The following GMDS variants were observed in gnomAD, a reference collection of about 807,000 sequenced individuals.
GMDS encodes GDP-mannose 4,6-dehydratase.
Under a neutral mutation model 49.9 loss-of-function variants are expected in GMDS, and 20 were observed. The observed-to-expected ratio is 0.40, with a 90% CI of 0.28 to 0.58. The LOEUF is 0.58. Among genes scored for constraint, GMDS ranks in the 20% least tolerant of loss-of-function variants. The pLI is 0.42. For synonymous variants in GMDS, 177 were observed against 178.6 expected (o/e 0.99, Z 0.07); for missense variants, 362 against 481.4 (o/e 0.75, Z 2.32).
At chr6:2,186,928 A>G (rs560718410) in intron 1 of GMDS, among the ~76,000 whole-genome samples, 3 of 152,340 alleles carry the variant, frequency 2.0e-5, no homozygotes, top group Admixed American at 6.5e-5. Context: ...CTTTCGATAA[A>G]AAGTCTACTA....
rs375619639 is a variant in GMDS at position 2,219,735 on chromosome 6, T to C, written c.102+25586A>G. Among the ~76,000 whole-genome samples, 27 of 151,738 alleles carry C rather than the reference T, an allele frequency of 1.8e-4. No homozygotes were observed. The East Asian group carries it at 2.9e-3, about 16-fold the overall frequency. On this transcript the variant is annotated intron_variant, in intron 1 of 10. Coordinates refer to ENST00000380815, the MANE Select transcript of GMDS (RefSeq NM_001500.4). ...GGGCACCAACTTAAACCAGAAACTT[T>C]AAAAAAAAATTCCCTCTGATTTCAG... is the stretch of plus-strand genomic sequence containing the variant.
intron 7 of GMDS, among the ~76,000 whole-genome samples, chr6:1,853,217 T>G (rs1003949270): frequency 6.6e-6 from 1 of 151,880 alleles, no homozygotes; most frequent in Non-Finnish European, 1.5e-5. Context: ...GAAAAGGCTG[T>G]CTGAAGATTA....
chr6:1,812,234 A>G (rs1222040437), intron 7 of GMDS, among the ~76,000 whole-genome samples: 1 of 152,206 alleles, frequency 6.6e-6, no homozygotes, highest in Non-Finnish European at 1.5e-5. Context: ...TAGTCCAGGC[A>G]GAGTAAACAG....
rs997499372 is a variant in GMDS at position 1,833,122 on chromosome 6, A to C, written c.772-90536T>G. Among the ~76,000 whole-genome samples, 1 of 142,390 alleles carries C rather than the reference A, an allele frequency of 7.0e-6. No individual in the cohort carries two copies. Among genetic ancestry groups the C allele is most frequent in the South Asian group, 2.4e-4 (1 of 4,232 alleles). The allele number at this position is 142,390 out of a possible 152,430, so 93.4% of individuals were successfully genotyped here. ...GCTCACCCGGCAGTGGAGCGTATGA[A>C]AGCCTTTTTTTTTTTTTTTTTTTTT... On this transcript the variant is annotated intron_variant, in intron 7 of 10. Transcript: ENST00000380815. The surrounding 1 kb of genome is among the most constrained non-coding windows in gnomAD (Gnocchi z 4.4).
chr6:1,767,040 A>G (rs1348568077), intron 7 of GMDS, among the ~76,000 whole-genome samples: 1 of 152,252 alleles, frequency 6.6e-6, no homozygotes, highest in Non-Finnish European at 1.5e-5. Context: ...AGAAAATGAA[A>G]TGAACAAACT....
intron 7 of GMDS, among the ~76,000 whole-genome samples, chr6:1,879,504 A>G (rs920335572): frequency 6.6e-6 from 1 of 152,216 alleles, no homozygotes; most frequent in Non-Finnish European, 1.5e-5. Flanking sequence ...AAGCCAATAT[A>G]GGCATTTTTA....
intron 7 of GMDS, among the ~76,000 whole-genome samples, chr6:1,863,501 T>C (rs1004907371): frequency 1.3e-5 from 2 of 152,152 alleles, no homozygotes; most frequent in East Asian, 3.8e-4. Flanking sequence ...CGTGCATGTG[T>C]GTGTGTGTTC....
chr6:1,681,787 C>CT (rs767942068), intron 9 of GMDS, among the ~76,000 whole-genome samples: 23 of 152,238 alleles, frequency 1.5e-4, no homozygotes, highest in Non-Finnish European at 2.6e-4. Context: ...TTTGACCTCC[C>CT]TGCACGCTGG....
At position 1,836,381 on chromosome 6, in the gene GMDS, G is replaced by A. The variant is rs1424641218; in HGVS notation, c.771+93722C>T. Among the ~76,000 whole-genome samples, 2 of 152,148 alleles carry A rather than the reference G, an allele frequency of 1.3e-5. No individual in the cohort carries two copies. Among genetic ancestry groups the A allele is most frequent in the Non-Finnish European group, 2.9e-5 (2 of 68,032 alleles). On this transcript the variant is annotated intron_variant, in intron 7 of 10. Coordinates refer to ENST00000380815, the MANE Select transcript of GMDS (RefSeq NM_001500.4). This position sits in a 1 kb window ranked among gnomAD's most constrained non-coding sequence, Gnocchi z 4.2. ...ATGTTACCACGTCACCATCAACTAA[G>A]CAACTGCTACGCTATTTCACTAAAC... is the stretch of plus-strand genomic sequence containing the variant.
At chr6:1,968,603 C>T (rs919563252) in intron 4 of GMDS, among the ~76,000 whole-genome samples, 2 of 152,068 alleles carry the variant, frequency 1.3e-5, no homozygotes, top group Non-Finnish European at 2.9e-5. Context: ...AAATGGTAGT[C>T]TGGGAGGGGT....
At chr6:1,653,187 A>T (rs988670719) in intron 9 of GMDS, among the ~76,000 whole-genome samples, 10 of 152,100 alleles carry the variant, frequency 6.6e-5, no homozygotes, top group Non-Finnish European at 1.2e-4. Flanking sequence ...TATTGTTTAA[A>T]CTGGACTGTA....
intron 4 of GMDS, among the ~76,000 whole-genome samples, chr6:2,004,063 T>C (rs1053698065): frequency 2.0e-5 from 3 of 150,954 alleles, no homozygotes; most frequent in African/African-American, 7.4e-5. Context: ...CTTCTTCTCT[T>C]TGAAATATAC....
chr6:2,198,400 G>C (rs1483793934), intron 1 of GMDS, among the ~76,000 whole-genome samples: 1 of 152,326 alleles, frequency 6.6e-6, no homozygotes, highest in East Asian at 1.9e-4. Context: ...GAAAGGGTTT[G>C]AGGAACATCC....
chr6:1,916,594 C>G (rs1349971292), intron 7 of GMDS, among the ~76,000 whole-genome samples: 1 of 152,112 alleles, frequency 6.6e-6, no homozygotes, highest in Admixed American at 6.6e-5. Context: ...AATCGTGGCA[C>G]AGTGACTTAG....
intron 6 of GMDS, among the ~76,000 whole-genome samples, chr6:1,939,059 T>C (rs923143424): frequency 6.6e-6 from 1 of 151,230 alleles, no homozygotes; most frequent in Non-Finnish European, 1.5e-5. Context: ...TCTTTGGTTC[T>C]TTTTCAAACC....
At chr6:2,220,885 G>C (rs531771642) in intron 1 of GMDS, among the ~76,000 whole-genome samples, 1 of 152,258 alleles carries the variant, frequency 6.6e-6, no homozygotes, top group Admixed American at 6.5e-5. Flanking sequence ...TTCTAAGAAG[G>C]GATGTACAAG....
At chr6:2,139,269 G>C (rs921535856) in intron 1 of GMDS, among the ~76,000 whole-genome samples, 1 of 152,152 alleles carries the variant, frequency 6.6e-6, no homozygotes, top group African/African-American at 2.4e-5. Flanking sequence ...ACTATAAGCT[G>C]CACTGTCTGC....
At chr6:1,892,773 G>C (rs545238150) in intron 7 of GMDS, among the ~76,000 whole-genome samples, 1 of 152,290 alleles carries the variant, frequency 6.6e-6, no homozygotes, top group African/African-American at 2.4e-5. Flanking sequence ...AAAAAAGAAG[G>C]TGTTACCACT....
At chr6:1,699,476 G>A (rs527511667) in intron 9 of GMDS, among the ~76,000 whole-genome samples, 4 of 152,126 alleles carry the variant, frequency 2.6e-5, no homozygotes, top group East Asian at 3.9e-4. Context: ...AATACGTGTC[G>A]ATCCTCTTAC....
Sources: gnomAD v4.1 joint callset for allele counts (sites outside exome capture counted in the v4.1 genomes callset) on GRCh38, gnomAD v4.1.1 for gene constraint, Gnocchi (gnomAD v3.1) non-coding constraint, MANE v1.5 for transcripts, NCBI Gene and HGNC (gene_info 2026-07-23, HGNC 2026-07-21) for gene names.